WASHC3: variants seen among roughly 807,000 people sequenced by gnomAD.
WASHC3 encodes the protein WASH complex subunit 3, also known as WASH complex subunit CCDC53.
Under a neutral mutation model 26.1 loss-of-function variants are expected in WASHC3, and 24 were observed. That is an observed-to-expected ratio of 0.92 (90% confidence interval 0.66 to 1.29). WASHC3 has a LOEUF of 1.29. Among genes scored for constraint, WASHC3 ranks in the 50% most tolerant of loss-of-function variants. WASHC3 has a pLI of 0.00. For missense variants in WASHC3, 214 were observed against 229.6 expected, an observed-to-expected ratio of 0.93 and a Z score of 0.44; for synonymous variants, 77 against 75.7, an observed-to-expected ratio of 1.02 and a Z score of -0.09.
chr12:102,041,582 A>G lies in WASHC3; in HGVS notation c.325-1604T>C, dbSNP rs577612760. Among the ~76,000 whole-genome samples, 4 of 152,164 alleles carry G rather than the reference A, an allele frequency of 2.6e-5. No homozygotes were observed. In the East Asian group the frequency reaches 7.7e-4, roughly 29 times the overall value. On this transcript the variant is annotated intron_variant, in intron 4 of 6. Transcript: ENST00000240079. ...AGTGATAAACAGATGATTTTTTTAA[A>G]AAGTGCATTATTCTCCTTTGTCTGA... is the stretch of plus-strand genomic sequence containing the variant.
intron 6 of WASHC3, chr12:102,019,339 G>A: frequency 8.3e-6 from 3 of 361,058 alleles, no homozygotes; most frequent in Non-Finnish European, 1.1e-5. Flanking sequence ...ATTTGGCTCT[G>A]CATATTATGA....
At chr12:102,017,832 A>C (rs1268891823) in intron 6 of WASHC3, 6 of 424,556 alleles carry the variant, frequency 1.4e-5, no homozygotes, top group Non-Finnish European at 2.8e-5. Context: ...GATAACATAA[A>C]ATTTAATATT....
At chr12:102,016,007 A>G (rs1405158050) in intron 6 of WASHC3, among the ~76,000 whole-genome samples, 1 of 152,088 alleles carries the variant, frequency 6.6e-6, no homozygotes, top group East Asian at 1.9e-4. Context: ...CTCCTGTCTC[A>G]GTCTCCTGAG....
intron 6 of WASHC3, among the ~76,000 whole-genome samples, chr12:102,023,222 G>A (rs1877028597): frequency 6.6e-6 from 1 of 151,834 alleles, no homozygotes; most frequent in Non-Finnish European, 1.5e-5. Context: ...TTAAAATTAT[G>A]TACTCTCAGC....
chr12:102,020,917 A>G (rs1876929883), intron 6 of WASHC3, among the ~76,000 whole-genome samples: 1 of 152,178 alleles, frequency 6.6e-6, no homozygotes, highest in Admixed American at 6.5e-5. Context: ...CCCTGTCTCT[A>G]CTAAAAATAT....
chr12:102,044,480 C>T (rs140130751), intron 3 of WASHC3, among the ~76,000 whole-genome samples: 4 of 152,312 alleles, frequency 2.6e-5, no homozygotes, highest in African/African-American at 7.2e-5. Flanking sequence ...TGAAGTCAGA[C>T]TGTCAGGTTT....
chr12:102,013,726 T>C (rs1220987522), intron 6 of WASHC3, among the ~76,000 whole-genome samples: 3 of 152,240 alleles, frequency 2.0e-5, no homozygotes, highest in Non-Finnish European at 4.4e-5. Flanking sequence ...TTAATGTTTG[T>C]TAAACGTTTT....
intron 6 of WASHC3, among the ~76,000 whole-genome samples, chr12:102,013,781 G>A (rs1350666415): frequency 6.6e-6 from 1 of 152,172 alleles, no homozygotes; most frequent in Admixed American, 6.5e-5. Flanking sequence ...GAAAGTATGA[G>A]TTGGCAAAAA....
At chr12:102,062,063 G>A (rs1437460457), upstream of WASHC3, 2 of 970,894 alleles carry the variant, frequency 2.1e-6, no homozygotes, top group Middle Eastern at 2.2e-4. Flanking sequence ...CCAAGTGCCC[G>A]CCTCCGGGGC....
chr12:102,053,262 G>A (rs1054587979), intron 2 of WASHC3, among the ~76,000 whole-genome samples: 1 of 151,974 alleles, frequency 6.6e-6, no homozygotes, highest in African/African-American at 2.4e-5. Context: ...GCAGACTTAG[G>A]CTTCAAGTTG....
intron 2 of WASHC3, among the ~76,000 whole-genome samples, chr12:102,053,184 C>T (rs949053849): frequency 2.0e-5 from 3 of 151,824 alleles, no homozygotes; most frequent in African/African-American, 7.3e-5. Context: ...GCACCAGGCC[C>T]ACCTTGGAAC....
At chr12:102,053,292 C>T (rs1878466217) in intron 2 of WASHC3, among the ~76,000 whole-genome samples, 1 of 152,022 alleles carries the variant, frequency 6.6e-6, no homozygotes, top group Non-Finnish European at 1.5e-5. Flanking sequence ...GGATCCAGGC[C>T]CACCCCTATA....
At chr12:102,028,838 A>G (rs1457089728) in intron 5 of WASHC3, among the ~76,000 whole-genome samples, 2 of 151,300 alleles carry the variant, frequency 1.3e-5, no homozygotes, top group African/African-American at 4.8e-5. Flanking sequence ...AATAATAAGA[A>G]TAAGTATAAG....
rs907952665 is a variant in WASHC3, at chr12:102,061,337, T to C, written c.61A>G (p.Ile21Val). The change falls in exon 2 of 7, where the codon ATT becomes GTT. Residue 21 changes from isoleucine to valine, a missense_variant. Physicochemically the swap from Ile to Val is conservative, Grantham distance 29. Coordinates refer to ENST00000240079, the MANE Select transcript of WASHC3 (RefSeq NM_016053.4). ...SGIDLTKVPAIQQKRTVAFLN... is the reference protein window; with the variant it reads ...SGIDLTKVPAVQQKRTVAFLN... ...AAAGCCACCGTTCTTTTCTGTTGAA[T>C]AGCTGGCACCTGTGTTACGTAAAAA... 2 of 1,611,534 alleles carry C rather than the reference T, an allele frequency of 1.2e-6. No individual in the cohort carries two copies. Among genetic ancestry groups the C allele is most frequent in the Admixed American group, 1.7e-5 (1 of 60,004 alleles).
chr12:102,044,555 C>G (rs1565818446), intron 3 of WASHC3, among the ~76,000 whole-genome samples: 6 of 152,112 alleles, frequency 3.9e-5, no homozygotes. Context: ...TCTCAATTAT[C>G]TCACCTGTAA....
At chr12:102,039,700 T>A (rs1877858404) in intron 5 of WASHC3, among the ~76,000 whole-genome samples, 168 bp downstream of exon 5, 1 of 146,894 alleles carries the variant, frequency 6.8e-6, no homozygotes, top group Admixed American at 6.8e-5. Context: ...TTGACTTCCT[T>A]TTTTTTTTTT....
At chr12:102,013,295 C>A in intron 6 of WASHC3, 103 bp from the exon 7 acceptor site, 2 of 643,664 alleles carry the variant, frequency 3.1e-6, no homozygotes, top group Non-Finnish European at 5.5e-6. Context: ...GCTAATAAAT[C>A]TGCCAAGTCC....
At chr12:102,033,183 G>A (rs976997189) in intron 5 of WASHC3, among the ~76,000 whole-genome samples, 8 of 152,070 alleles carry the variant, frequency 5.3e-5, no homozygotes, top group Non-Finnish European at 1.2e-4. Flanking sequence ...GGAAGCCAAA[G>A]GGGTCTGTAG....
At chr12:102,031,648 A>G (rs1285706301) in intron 5 of WASHC3, among the ~76,000 whole-genome samples, 1 of 152,198 alleles carries the variant, frequency 6.6e-6, no homozygotes, top group African/African-American at 2.4e-5. Flanking sequence ...ATTTTTCAAT[A>G]AACAGAATGA....
Sources: allele counts gnomAD v4.1 joint callset (sites outside exome capture counted in the v4.1 genomes callset), GRCh38; gene constraint gnomAD v4.1.1; transcripts MANE v1.5; gene names NCBI Gene and HGNC (gene_info 2026-07-23, HGNC 2026-07-21).